Variants in LIFR observed in about 807,000 individuals in gnomAD.
The protein encoded by LIFR is LIF receptor subunit alpha.
A neutral mutation model predicts 122.2 loss-of-function variants in LIFR; 84 were observed. The observed-to-expected ratio is 0.69, with a 90% CI of 0.58 to 0.82. LIFR has a LOEUF of 0.82. Among genes scored for constraint, LIFR ranks in the 40% least tolerant of loss-of-function variants. LIFR has a pLI of 0.00. For synonymous variants in LIFR, 422 were observed against 434.7 expected, an observed-to-expected ratio of 0.97 and a Z score of 0.36; for missense variants, 1,294 against 1,311.6, an observed-to-expected ratio of 0.99 and a Z score of 0.21.
At chr5:38,491,007 A>T (rs1045823670) in intron 14 of LIFR, among the ~76,000 whole-genome samples, 2 of 152,180 alleles carry the variant, frequency 1.3e-5, no homozygotes, top group African/African-American at 4.8e-5. Context: ...TGGAAAAAGC[A>T]AACAAACCCA....
chr5:38,486,571 A>C (rs141707184), intron 16 of LIFR, among the ~76,000 whole-genome samples: 4 of 152,346 alleles, frequency 2.6e-5, no homozygotes, highest in African/African-American at 9.6e-5. Context: ...ATGCAGGATA[A>C]CAGGTTAAAA....
chr5:38,557,833 A>G (rs934827339), upstream of LIFR: 3 of 152,154 alleles, frequency 2.0e-5, no homozygotes, highest in Admixed American at 6.5e-5. Flanking sequence ...CTAATGGCCA[A>G]CTCCATCCAT....
upstream of LIFR, among the ~76,000 whole-genome samples, chr5:38,561,024 G>A (rs1748818164): frequency 6.6e-6 from 1 of 152,202 alleles, no homozygotes; most frequent in Non-Finnish European, 1.5e-5. Flanking sequence ...TAGTATTTGA[G>A]CATAAAACTG....
intron 9 of LIFR, 21 bp downstream of exon 9, chr5:38,505,884 A>G (rs1322207905): frequency 6.5e-7 from 1 of 1,529,524 alleles, no homozygotes; most frequent in South Asian, 1.2e-5. Context: ...TTTTTAAGAC[A>G]TTAGTTTATG....
chr5:38,577,986 C>T (rs1383811828), intron 1 of LIFR, among the ~76,000 whole-genome samples: 5 of 152,082 alleles, frequency 3.3e-5, no homozygotes, highest in African/African-American at 9.7e-5. Context: ...ATTGAAATGA[C>T]ATTTATTTAA....
intron 2 of LIFR, among the ~76,000 whole-genome samples, chr5:38,604,554 A>G: frequency 6.6e-6 from 1 of 152,068 alleles, no homozygotes; most frequent in Admixed American, 6.5e-5. Context: ...TAAAAATACA[A>G]AAATTAGCTG....
In LIFR at chr5:38,604,150, G is replaced by A. The variant is rs1015077581; in HGVS notation, n.305+2055C>T. 3.3e-5 allele frequency among the ~76,000 whole-genome samples: 5 copies of A among 152,174 alleles called. No individual in the cohort carries two copies. The East Asian group carries it at 9.6e-4, about 29-fold the overall frequency. On this transcript the variant is annotated intron_variant and non_coding_transcript_variant, in intron 2 of 3. Transcript: ENST00000507786. ...GTGGTGACCCAGAGCCTGAACTTGG[G>A]CACTTGGAGCTCATGTGGAGCATTT...
At chr5:38,496,644 G>T in intron 12 of LIFR, 49 bp from the exon 13 acceptor site, 1 of 1,356,192 alleles carries the variant, frequency 7.4e-7, no homozygotes, top group African/African-American at 1.4e-5. Context: ...ACGTGACTGT[G>T]ACTAGGCAAG....
At chr5:38,592,976 G>T (rs62352210) in intron 1 of LIFR, among the ~76,000 whole-genome samples, 13 of 151,870 alleles carry the variant, frequency 8.6e-5, no homozygotes, top group South Asian at 8.3e-4. Context: ...AGACCGAGGC[G>T]GATAGATCAC....
In LIFR at chr5:38,482,638, G is replaced by A; in HGVS notation, c.2621C>T (p.Pro874Leu). Residue 874 changes from proline (P) to leucine (L), a missense_variant, in exon 19 of 20, where the codon CCA (proline) becomes CTA (leucine). Physicochemically the swap from Pro to Leu is moderately conservative, Grantham distance 98. Coordinates refer to ENST00000453190, the MANE Select transcript of LIFR (RefSeq NM_001127671.2). ...WIKETFYPDI[P>L]NPENCKALQF... ...TAATGCTTTACAGTTTTCTGGATTT[G>A]GAATATCAGGGTAGAAGGTTTCTTT... The A allele has an allele frequency of 6.8e-7, 1 of 1,478,790 alleles. No individual in the cohort carries two copies. Among genetic ancestry groups the A allele is most frequent in the Non-Finnish European group, 9.2e-7 (1 of 1,086,026 alleles). 91.6% of individuals were successfully genotyped at this position (1,478,790 alleles called of 1,614,324 possible).
At chr5:38,572,530 T>C (rs542138773) in intron 1 of LIFR, among the ~76,000 whole-genome samples, 31 of 152,298 alleles carry the variant, frequency 2.0e-4, no homozygotes, top group African/African-American at 7.5e-4. Context: ...TTGAAAATCC[T>C]TATAAAGCAC....
At position 38,602,260 on chromosome 5, in the gene LIFR, A is replaced by G. The variant is rs78239667; in HGVS notation, n.305+3945T>C. ...TCCTACCAGATAAAATCTAGACACAATTCTTGACATATACTCCTCTTTCTC... is the reference window on the plus strand; with the variant it reads ...TCCTACCAGATAAAATCTAGACACAGTTCTTGACATATACTCCTCTTTCTC... On this transcript the variant is annotated intron_variant and non_coding_transcript_variant, in intron 2 of 3. Coordinates refer to the LIFR transcript ENST00000507786. Among the ~76,000 whole-genome samples, 987 of 152,324 alleles carry G rather than the reference A, an allele frequency of 6.5e-3. 11 individuals are homozygous for G. The highest frequency in any genetic ancestry group is 0.023 in the African/African-American group (942 of 41,566).
chr5:38,506,552 C>A lies in LIFR; in HGVS notation c.1072G>T (p.Val358Leu). ...EIICSWNPGRVTALVGPRATS... is the reference protein window; with the variant it reads ...EIICSWNPGRLTALVGPRATS... ...GCACGTGGGCCCACCAACGCTGTCA[C>A]CCTTCCTGGATTCCAACTACATATA... is the stretch of plus-strand genomic sequence containing the variant. The change falls in exon 8 of 20, where the codon GTG becomes TTG. Residue 358 changes from valine (V) to leucine (L), a missense_variant. Val to Leu is a conservative substitution (Grantham distance 32). Transcript: ENST00000453190. 6 of 1,614,044 alleles carry A rather than the reference C, an allele frequency of 3.7e-6. No homozygotes were observed. The highest frequency in any genetic ancestry group is 5.1e-6 in the Non-Finnish European group (6 of 1,179,954).
chr5:38,479,684 G>C lies in LIFR; in HGVS notation c.*1911C>G, dbSNP rs1435525764. On this transcript the variant is annotated 3_prime_UTR_variant, in exon 20 of 20. Transcript: ENST00000453190. The stretch of plus-strand genomic sequence containing the variant: ...ACAAGGCAGGAGTTGAGGGCAAGCA[G>C]ACAATGCTAACAGCAAGCTTTGGCA... 1.3e-5 allele frequency: 3 copies of C among 231,288 alleles called. No individual in the cohort carries two copies. The highest frequency in any genetic ancestry group is 2.6e-5 in the Non-Finnish European group (3 of 116,888). 14.3% of individuals were successfully genotyped at this position (231,288 alleles called of 1,614,324 possible). A position where few individuals can be genotyped will look rare whatever the true frequency, so the allele number is the denominator to read the frequency against.
At chr5:38,540,197 A>G (rs1481191290) in intron 1 of LIFR, among the ~76,000 whole-genome samples, 1 of 152,204 alleles carries the variant, frequency 6.6e-6, no homozygotes, top group Non-Finnish European at 1.5e-5. Flanking sequence ...CTCAAATTAC[A>G]CAACTAAGAC....
intron 1 of LIFR, among the ~76,000 whole-genome samples, chr5:38,568,135 T>C (rs1360339994): frequency 6.6e-6 from 1 of 152,218 alleles, no homozygotes; most frequent in Non-Finnish European, 1.5e-5. Context: ...CTTGCCTTCA[T>C]GGAGCTCTCA....
At chr5:38,556,808 C>G (rs934314009), upstream of LIFR, 4 of 149,364 alleles carry the variant, frequency 2.7e-5, no homozygotes, top group African/African-American at 9.8e-5. Context: ...TCCAAGGAGT[C>G]GGAGGAACGC....
At chr5:38,582,989 C>T (rs996104764) in intron 1 of LIFR, among the ~76,000 whole-genome samples, 7 of 152,218 alleles carry the variant, frequency 4.6e-5, no homozygotes, top group Non-Finnish European at 7.3e-5. Context: ...TGTTTGATCG[C>T]ATTGCATTGT....
intron 7 of LIFR, among the ~76,000 whole-genome samples, chr5:38,508,562 C>T (rs1000645451): frequency 1.3e-5 from 2 of 151,794 alleles, no homozygotes; most frequent in East Asian, 2.0e-4. Flanking sequence ...AACTAACAAG[C>T]CGATTATAAA....
Sources: allele counts gnomAD v4.1 joint callset (sites outside exome capture counted in the v4.1 genomes callset), GRCh38; gene constraint gnomAD v4.1.1; transcripts MANE v1.5; gene names NCBI Gene and HGNC (gene_info 2026-07-23, HGNC 2026-07-21).